Variants in KIAA1549L observed in about 807,000 individuals in gnomAD.
KIAA1549L encodes the protein UPF0606 protein KIAA1549L.
A neutral mutation model predicts 160.7 loss-of-function variants in KIAA1549L; 88 were observed. That is an observed-to-expected ratio of 0.55 (90% CI 0.46 to 0.65). KIAA1549L has a LOEUF of 0.65. Ranked by LOEUF, KIAA1549L falls within the 30% of genes least tolerant of loss-of-function variation. The pLI, the probability that KIAA1549L is intolerant of heterozygous loss-of-function variation, is 0.00. For missense variants in KIAA1549L, 2,258 were observed against 2,437.5 expected (o/e 0.93, Z 1.55); for synonymous variants, 950 against 976.7 (o/e 0.97, Z 0.51).
chr11:33,439,189 G>T (rs1851442080), intron 1 of KIAA1549L, among the ~76,000 whole-genome samples: 1 of 151,988 alleles, frequency 6.6e-6, no homozygotes, highest in Admixed American at 6.6e-5. Flanking sequence ...TGGGATTACG[G>T]GTGTGAGCCA....
chr11:33,626,191 T>C (rs1391921576), intron 16 of KIAA1549L, among the ~76,000 whole-genome samples: 7 of 144,450 alleles, frequency 4.8e-5, no homozygotes, highest in African/African-American at 7.9e-5. Context: ...AGTCAGGTAG[T>C]GTGATGCCTC....
chr11:33,515,563 G>C (rs558918701), intron 1 of KIAA1549L, among the ~76,000 whole-genome samples: 2 of 152,366 alleles, frequency 1.3e-5, no homozygotes, highest in South Asian at 4.1e-4. Flanking sequence ...GTTTCCCCAC[G>C]TGGGTGGTGA....
At chr11:33,611,686 A>G (rs903700058) in intron 15 of KIAA1549L, among the ~76,000 whole-genome samples, 1 of 152,028 alleles carries the variant, frequency 6.6e-6, no homozygotes, top group Non-Finnish European at 1.5e-5. Flanking sequence ...GGTCTTTGGG[A>G]TAGGAGCTGG....
intron 1 of KIAA1549L, among the ~76,000 whole-genome samples, chr11:33,527,880 T>C (rs998462350): frequency 1.3e-5 from 2 of 152,212 alleles, no homozygotes; most frequent in Non-Finnish European, 2.9e-5. Flanking sequence ...TCATCTTGAA[T>C]TGTAGCTCCT....
chr11:33,501,486 A>G (rs1379369819), intron 1 of KIAA1549L, among the ~76,000 whole-genome samples: 1 of 152,206 alleles, frequency 6.6e-6, no homozygotes, highest in Non-Finnish European at 1.5e-5. Flanking sequence ...TCTATATTCC[A>G]GGAACTGTAT....
rs1272959150 is a variant in KIAA1549L, at chr11:33,668,391, C to G, written c.*237C>G. The G allele has an allele frequency of 8.9e-6, 5 of 560,076 alleles. No individual in the cohort carries two copies. The South Asian group carries it at 1.2e-4, about 13-fold the overall frequency. 34.7% of individuals were successfully genotyped at this position (560,076 alleles called of 1,614,324 possible). A position where few individuals can be genotyped will look rare whatever the true frequency, so the allele number is the denominator to read the frequency against. ...GGCTTGGGGCCTTATGTTTGATACT[C>G]TCTCATGTCAAATGTTTGAACTTTG... On this transcript the variant is annotated 3_prime_UTR_variant, in exon 21 of 21. Transcript: ENST00000658780.
At chr11:33,385,025 G>A (rs1850147196) in intron 1 of KIAA1549L, among the ~76,000 whole-genome samples, 1 of 150,668 alleles carries the variant, frequency 6.6e-6, no homozygotes. Context: ...TGCTTTTTGT[G>A]TCCTAGCATA....
chr11:33,634,649 T>A (rs970599840), intron 16 of KIAA1549L, among the ~76,000 whole-genome samples: 1 of 152,200 alleles, frequency 6.6e-6, no homozygotes, highest in Non-Finnish European at 1.5e-5. Flanking sequence ...GGAAGATGTT[T>A]TGCTTTAGGG....
At position 33,556,307 on chromosome 11, in the gene KIAA1549L, T is replaced by G. The variant is rs1028992330; in HGVS notation, c.3856-3442T>G. ...TATGGTTCAGCACTTTCATTTCTCA[T>G]TATATACCAAAAAGAATTAAAAGTA... On this transcript the variant is annotated intron_variant, in intron 6 of 20. Coordinates refer to ENST00000658780, the MANE Select transcript of KIAA1549L (RefSeq NM_012194.3). Among the ~76,000 whole-genome samples the G allele has an allele frequency of 9.2e-5, 14 of 152,320 alleles. No individual in the cohort carries two copies. The East Asian group carries it at 1.2e-3, about 13-fold the overall frequency.
intron 17 of KIAA1549L, among the ~76,000 whole-genome samples, chr11:33,649,300 A>G (rs78441559): frequency 0.021 from 3,197 of 150,764 alleles, 125 homozygotes; most frequent in African/African-American, 0.075. Context: ...CAGGAATGTA[A>G]GACAAGCCCT....
At chr11:33,540,156 TGTG>T (rs1353569111) in intron 1 of KIAA1549L, among the ~76,000 whole-genome samples, 3 of 151,964 alleles carry the variant, frequency 2.0e-5, no homozygotes, top group Non-Finnish European at 2.9e-5. Flanking sequence ...AGAATTTTTG[TGTG>T]TGTGTGTGTG....
chr11:33,651,301 G>A (rs571644571), intron 17 of KIAA1549L, among the ~76,000 whole-genome samples: 1 of 152,238 alleles, frequency 6.6e-6, no homozygotes, highest in African/African-American at 2.4e-5. Flanking sequence ...GCCAGGCATG[G>A]TGGTGGATGC....
intron 1 of KIAA1549L, among the ~76,000 whole-genome samples, chr11:33,516,076 G>A (rs933792565): frequency 1.8e-4 from 28 of 152,074 alleles, no homozygotes; most frequent in Middle Eastern, 3.4e-3. Flanking sequence ...TGCCAATCCA[G>A]GACTGTGCTT....
intron 1 of KIAA1549L, among the ~76,000 whole-genome samples, chr11:33,517,813 G>A (rs374430283): frequency 6.6e-6 from 1 of 152,106 alleles, no homozygotes; most frequent in African/African-American, 2.4e-5. Flanking sequence ...GGAGCAAAAG[G>A]AGTGGAAGGG....
At chr11:33,614,560 ATATATATATATATATATATATATAT>A (rs1850744755) in intron 15 of KIAA1549L, among the ~76,000 whole-genome samples, 1 of 13,148 alleles carries the variant, frequency 7.6e-5, no homozygotes, top group Non-Finnish European at 1.2e-4. Context: ...ATATATATAT[ATATATATATATATATATATATATAT>A]TTTTTTTTTT....
chr11:33,568,247 C>T lies in KIAA1549L; in HGVS notation c.4230+20C>T. 1 of 1,585,580 alleles carries T rather than the reference C, an allele frequency of 6.3e-7. No individual in the cohort carries two copies. ...GTGCAGGTAGGTGTATACAGAGCCA[C>T]TGGGGTTTTCTAATAACTGGGGGTA... On this transcript the variant is annotated intron_variant, in intron 9 of 20. Transcript: ENST00000658780.
At chr11:33,587,414 G>A (rs1849915144) in intron 11 of KIAA1549L, among the ~76,000 whole-genome samples, 1 of 152,214 alleles carries the variant, frequency 6.6e-6, no homozygotes, top group Non-Finnish European at 1.5e-5. Flanking sequence ...GAGTGAGGGA[G>A]TAGTAGTCCT....
chr11:33,551,094 G>T lies in KIAA1549L; in HGVS notation c.3556G>T (p.Gly1186Trp). Reference sequence around the variant, plus strand: ...CACAGTTGGTTATTATGCTACCAAAGGGAAGTTGGTGTATTTGCCTGCTGT... The same window carrying T: ...CACAGTTGGTTATTATGCTACCAAATGGAAGTTGGTGTATTTGCCTGCTGT... ...NVTVGYYATK[G>W]KLVYLPAVVI... The change falls in exon 5 of 21, where the codon GGG (glycine) becomes TGG (tryptophan). Residue 1186 changes from glycine to tryptophan, a missense_variant. Gly to Trp is a radical substitution (Grantham distance 184). This residue lies in a region of KIAA1549L where 1,359 missense variants were observed against 1,546.6 expected (regional missense o/e 0.88). Transcript: ENST00000658780. The T allele has an allele frequency of 6.2e-7, 1 of 1,613,988 alleles. No homozygotes were observed. Among genetic ancestry groups the T allele is most frequent in the Non-Finnish European group, 8.5e-7 (1 of 1,179,872 alleles).
intron 13 of KIAA1549L, among the ~76,000 whole-genome samples, chr11:33,605,879 G>A (rs777717333): frequency 1.1e-4 from 17 of 152,198 alleles, no homozygotes; most frequent in Non-Finnish European, 1.2e-4. Context: ...GATACCAGGG[G>A]CCCTGGAACT....
Sources: gnomAD v4.1 joint callset for allele counts (sites outside exome capture counted in the v4.1 genomes callset) on GRCh38, gnomAD v4.1.1 for gene constraint, gnomAD v4.1.1 regional missense constraint, MANE v1.5 for transcripts, NCBI Gene and HGNC (gene_info 2026-07-23, HGNC 2026-07-21) for gene names.